C12orf42: variants seen among roughly 807,000 people sequenced by gnomAD.
The protein encoded by C12orf42 is chromosome 12 open reading frame 42.
Under a neutral mutation model 21.6 loss-of-function variants are expected in C12orf42, and 25 were observed. The observed-to-expected ratio is 1.16, with a 90% CI of 0.84 to 1.62. The LOEUF is 1.62. Among genes scored for constraint, C12orf42 ranks in the 40% most tolerant of loss-of-function variants. The pLI is 0.00. For synonymous variants in C12orf42, 174 were observed against 175.0 expected, an observed-to-expected ratio of 0.99 and a Z score of 0.05; for missense variants, 483 against 459.3, an observed-to-expected ratio of 1.05 and a Z score of -0.47.
downstream of C12orf42, among the ~76,000 whole-genome samples, chr12:103,267,123 C>G (rs561577448): frequency 2.0e-4 from 31 of 152,222 alleles, no homozygotes; most frequent in African/African-American, 7.5e-4. Context: ...TTCTTCACCC[C>G]CTGTGTAAAT....
the C12orf42 span, among the ~76,000 whole-genome samples, chr12:103,075,924 T>C: frequency 6.6e-6 from 1 of 152,248 alleles, no homozygotes; most frequent in East Asian, 1.9e-4. Context: ...GTGAGGGAGC[T>C]TAGAAAACTC....
chr12:103,053,000 C>T, the C12orf42 span, among the ~76,000 whole-genome samples: 2 of 151,924 alleles, frequency 1.3e-5, no homozygotes, highest in East Asian at 1.9e-4. Context: ...CCTTTATCTT[C>T]GGTCACTTAT....
intron 3 of C12orf42, among the ~76,000 whole-genome samples, chr12:103,395,525 C>T (rs2047453022): frequency 6.6e-6 from 1 of 152,032 alleles, no homozygotes; most frequent in Non-Finnish European, 1.5e-5. Flanking sequence ...TTAGTAGAGA[C>T]TTGGTTTCAC....
chr12:103,340,638 G>C (rs1209911869), intron 4 of C12orf42, among the ~76,000 whole-genome samples: 1 of 151,934 alleles, frequency 6.6e-6, no homozygotes, highest in Non-Finnish European at 1.5e-5. Context: ...GGAGGCAAAG[G>C]AGCAAAGACA....
chr12:103,484,076 G>GT (rs1275525391), intron 1 of C12orf42, among the ~76,000 whole-genome samples: 1 of 152,166 alleles, frequency 6.6e-6, no homozygotes, highest in Non-Finnish European at 1.5e-5. Flanking sequence ...GGACATTTAG[G>GT]TTGGTTCCAA....
At chr12:103,062,652 T>C in the C12orf42 span, among the ~76,000 whole-genome samples, 3 of 152,216 alleles carry the variant, frequency 2.0e-5, no homozygotes. Context: ...CTTTGTTCAT[T>C]TGCTGCTTTT....
At chr12:103,059,198 C>A in the C12orf42 span, among the ~76,000 whole-genome samples, 2 of 152,146 alleles carry the variant, frequency 1.3e-5, no homozygotes, top group African/African-American at 4.8e-5. Context: ...CTGTAAACAC[C>A]TTTATGCAAA....
At chr12:103,199,521 G>A in the C12orf42 span, among the ~76,000 whole-genome samples, 4 of 152,088 alleles carry the variant, frequency 2.6e-5, no homozygotes, top group African/African-American at 4.8e-5. Context: ...AAATGAGAAG[G>A]CGACTGACAG....
chr12:103,285,084 A>C (rs1420967689), intron 4 of C12orf42, among the ~76,000 whole-genome samples: 1 of 152,178 alleles, frequency 6.6e-6, no homozygotes, highest in Non-Finnish European at 1.5e-5. Flanking sequence ...GCAAAGGCAG[A>C]AGAACTCATG....
At chr12:103,343,662 T>C (rs1420482462) in intron 4 of C12orf42, among the ~76,000 whole-genome samples, 3 of 150,272 alleles carry the variant, frequency 2.0e-5, no homozygotes, top group East Asian at 2.0e-4. Flanking sequence ...TAATCCTAGA[T>C]ACTCGGGAGG....
At chr12:103,422,398 G>A (rs917780886) in intron 2 of C12orf42, among the ~76,000 whole-genome samples, 7 of 152,158 alleles carry the variant, frequency 4.6e-5, no homozygotes, top group South Asian at 2.1e-4. Flanking sequence ...ACAAGGTAAC[G>A]ACTCTGGCCT....
chr12:103,065,861 AT>A, the C12orf42 span, among the ~76,000 whole-genome samples: 1 of 152,206 alleles, frequency 6.6e-6, no homozygotes, highest in African/African-American at 2.4e-5. Context: ...ACTTTGGCCC[AT>A]TTATCAAGTG....
At chr12:103,085,446 G>A in the C12orf42 span, among the ~76,000 whole-genome samples, 1 of 152,042 alleles carries the variant, frequency 6.6e-6, no homozygotes, top group Non-Finnish European at 1.5e-5. Context: ...CAGCACGCGG[G>A]TCATATGAGT....
At chr12:103,399,204 CT>C (rs1442087760) in intron 3 of C12orf42, among the ~76,000 whole-genome samples, 1 of 151,540 alleles carries the variant, frequency 6.6e-6, no homozygotes, top group Non-Finnish European at 1.5e-5. Context: ...TCAATATTAT[CT>C]TTTCCCCCCA....
the C12orf42 span, among the ~76,000 whole-genome samples, chr12:103,210,027 C>G: frequency 6.6e-6 from 1 of 152,064 alleles, no homozygotes; most frequent in Non-Finnish European, 1.5e-5. Flanking sequence ...CAGCCCTTTC[C>G]TGGCATCTTA....
chr12:103,173,947 T>C, the C12orf42 span, among the ~76,000 whole-genome samples: 1 of 152,168 alleles, frequency 6.6e-6, no homozygotes, highest in Non-Finnish European at 1.5e-5. Flanking sequence ...TTCCTAAACA[T>C]AGAAGACAAG....
intron 1 of C12orf42, among the ~76,000 whole-genome samples, chr12:103,487,074 CTTTTCTTGTGGGCA>C (rs1294634637): frequency 1.3e-5 from 2 of 152,164 alleles, no homozygotes; most frequent in Non-Finnish European, 2.9e-5. Context: ...ATCTTTCCTG[CTTTTCTTGTGGGCA>C]TTTAGTGCTA....
chr12:103,542,049 A>C, the C12orf42 span, among the ~76,000 whole-genome samples: 12 of 152,334 alleles, frequency 7.9e-5, no homozygotes, highest in African/African-American at 2.9e-4. Context: ...GAGACTAACA[A>C]AAAATTGAGA....
chr12:103,120,488 G>T, the C12orf42 span, among the ~76,000 whole-genome samples: 1 of 152,150 alleles, frequency 6.6e-6, no homozygotes, highest in South Asian at 2.1e-4. Context: ...AGGTAAGAAT[G>T]CTTGAATCAT....
Sources: gnomAD v4.1 joint callset for allele counts (sites outside exome capture counted in the v4.1 genomes callset) on GRCh38, gnomAD v4.1.1 for gene constraint, MANE v1.5 for transcripts, NCBI Gene and HGNC (gene_info 2026-07-23, HGNC 2026-07-21) for gene names.